Variants in OSBPL10 observed in about 807,000 individuals in gnomAD.
OSBPL10 encodes oxysterol binding protein like 10.
Under a neutral mutation model 81.7 loss-of-function variants are expected in OSBPL10, and 49 were observed. The ratio of observed to expected loss-of-function variants is 0.60; its 90% CI spans 0.48 to 0.76. OSBPL10 has a LOEUF of 0.76. Among genes scored for constraint, OSBPL10 ranks in the 30% least tolerant of loss-of-function variants. The probability of loss-of-function intolerance (pLI) is 0.00; values close to 1 mark genes in which losing one functional copy is unlikely to be tolerated. For missense variants in OSBPL10, 923 were observed against 987.8 expected, an observed-to-expected ratio of 0.93 and a Z score of 0.88; for synonymous variants, 419 against 383.6, an observed-to-expected ratio of 1.09 and a Z score of -1.08.
intron 1 of OSBPL10, among the ~76,000 whole-genome samples, chr3:31,928,434 G>A (rs925411875): frequency 7.2e-5 from 11 of 151,892 alleles, no homozygotes; most frequent in South Asian, 6.2e-4. Flanking sequence ...CTCTTGATTC[G>A]GAGGACACAG....
intron 2 of OSBPL10, among the ~76,000 whole-genome samples, chr3:31,877,122 G>A (rs1032498919): frequency 5.3e-5 from 8 of 152,064 alleles, no homozygotes; most frequent in African/African-American, 1.9e-4. Context: ...AGCCAGGATG[G>A]TCTCAATCTC....
intron 6 of OSBPL10, chr3:31,703,665 T>C (rs943458944): frequency 3.3e-5 from 5 of 152,224 alleles, no homozygotes; most frequent in Admixed American, 1.3e-4. Context: ...AATAACGGTG[T>C]TCCTTCCCTC....
chr3:31,750,768 A>C (rs1291598588), intron 4 of OSBPL10, among the ~76,000 whole-genome samples: 2 of 152,154 alleles, frequency 1.3e-5, no homozygotes, highest in African/African-American at 4.8e-5. Flanking sequence ...TAATCTTAAG[A>C]TTTTATTCAC....
intron 6 of OSBPL10, among the ~76,000 whole-genome samples, chr3:31,729,531 C>T (rs894700099): frequency 6.6e-6 from 1 of 152,160 alleles, no homozygotes; most frequent in Non-Finnish European, 1.5e-5. Flanking sequence ...AAGCAATTCT[C>T]CTGCCTCAGC....
intron 1 of OSBPL10, among the ~76,000 whole-genome samples, chr3:31,897,061 A>G (rs1395362448): frequency 1.1e-4 from 16 of 152,098 alleles, no homozygotes. Context: ...AATCAGAGAA[A>G]CATCTACACT....
intron 2 of OSBPL10, among the ~76,000 whole-genome samples, chr3:32,024,486 A>ATTTTT (rs34141476): frequency 1.9e-4 from 21 of 111,730 alleles, no homozygotes; most frequent in African/African-American, 5.4e-4. Flanking sequence ...TGTGAATGGA[A>ATTTTT]TTTTTTTTTT....
chr3:31,791,904 A>G (rs1276799050), intron 4 of OSBPL10, among the ~76,000 whole-genome samples: 1 of 152,090 alleles, frequency 6.6e-6, no homozygotes, highest in East Asian at 1.9e-4. Context: ...TTTCTGAGCC[A>G]AACAATCTGC....
intron 1 of OSBPL10, among the ~76,000 whole-genome samples, chr3:31,951,118 G>A (rs372668650): frequency 1.2e-4 from 19 of 152,116 alleles, no homozygotes; most frequent in East Asian, 3.8e-4. Context: ...CAGTAACACC[G>A]TTCACAGAGG....
chr3:31,664,315 C>G (rs1700139159), intron 10 of OSBPL10, 83 bp from the exon 11 acceptor site: 1 of 1,446,528 alleles, frequency 6.9e-7, no homozygotes, highest in Non-Finnish European at 9.5e-7. Flanking sequence ...GCAGCCAGAG[C>G]AGCGAGGGGC....
At chr3:31,952,708 C>T (rs932680074) in intron 1 of OSBPL10, among the ~76,000 whole-genome samples, 16 of 152,136 alleles carry the variant, frequency 1.1e-4, no homozygotes, top group Non-Finnish European at 1.5e-5. Context: ...TAGAATGTCC[C>T]CCCAACATCA....
Position 31,661,860 on chromosome 3 carries a change from C to A in OSBPL10, c.*212G>T, listed in dbSNP as rs1700078093. ...TGTGTGTGAACGTATACGGTGTGTA[C>A]ACACACGTGCCCCGAATGGCTCTTG... On this transcript the variant is annotated 3_prime_UTR_variant, in exon 12 of 12. Coordinates refer to ENST00000396556, the MANE Select transcript of OSBPL10 (RefSeq NM_017784.5). 4.9e-6 allele frequency: 3 copies of A among 613,708 alleles called. No homozygotes were observed. The highest frequency in any genetic ancestry group is 6.5e-5 in the Admixed American group (2 of 30,540). The allele number at this position is 613,708 out of a possible 1,614,324, so 38.0% of individuals were successfully genotyped here.
chr3:31,778,910 C>T (rs1318056827), intron 4 of OSBPL10, among the ~76,000 whole-genome samples: 1 of 152,158 alleles, frequency 6.6e-6, no homozygotes, highest in African/African-American at 2.4e-5. Context: ...GGGATCCTAT[C>T]TTTAGCCTCC....
chr3:31,896,923 T>A (rs184925003), intron 1 of OSBPL10, among the ~76,000 whole-genome samples: 3 of 152,212 alleles, frequency 2.0e-5, no homozygotes, highest in Admixed American at 2.0e-4. Context: ...TCTCGCCACG[T>A]CATCTCATCT....
intron 2 of OSBPL10, among the ~76,000 whole-genome samples, chr3:31,995,415 C>T (rs527237672): frequency 6.6e-6 from 1 of 152,312 alleles, no homozygotes; most frequent in South Asian, 2.1e-4. Context: ...TCCCTATTTG[C>T]ATGTCCATTT....
chr3:31,684,193 C>T, intron 7 of OSBPL10, 79 bp from the exon 8 acceptor site: 1 of 1,545,082 alleles, frequency 6.5e-7, no homozygotes, highest in Non-Finnish European at 8.7e-7. Flanking sequence ...AGGCTGCAAC[C>T]ACTGTTAAGC....
chr3:31,958,037 TAAG>T (rs1018889910), intron 1 of OSBPL10, among the ~76,000 whole-genome samples: 43 of 152,172 alleles, frequency 2.8e-4, no homozygotes, highest in Non-Finnish European at 5.1e-4. Flanking sequence ...GTGCACCAGC[TAAG>T]AAGGAAGAAA....
intron 2 of OSBPL10, among the ~76,000 whole-genome samples, chr3:32,036,788 A>C (rs1050147148): frequency 6.7e-6 from 1 of 150,268 alleles, no homozygotes; most frequent in African/African-American, 2.5e-5. Context: ...GCACCACTGC[A>C]CTCCAGCCTG....
chr3:31,703,728 T>C (rs1695971248), intron 6 of OSBPL10: 2 of 152,272 alleles, frequency 1.3e-5, no homozygotes, highest in Admixed American at 6.5e-5. Context: ...TCCACAGACA[T>C]ACTCCTAAGG....
At chr3:32,035,727 A>G (rs1225884480) in intron 2 of OSBPL10, among the ~76,000 whole-genome samples, 1 of 152,166 alleles carries the variant, frequency 6.6e-6, no homozygotes, top group African/African-American at 2.4e-5. Context: ...AACCTATGCT[A>G]TCTTCACAGA....
Sources: allele counts gnomAD v4.1 joint callset (sites outside exome capture counted in the v4.1 genomes callset), GRCh38; gene constraint gnomAD v4.1.1; transcripts MANE v1.5; gene names NCBI Gene and HGNC (gene_info 2026-07-23, HGNC 2026-07-21).